PDE4D: variants seen among roughly 807,000 people sequenced by gnomAD.
The protein encoded by PDE4D is 3',5'-cyclic-AMP phosphodiesterase 4D.
A neutral mutation model predicts 87.4 loss-of-function variants in PDE4D; 24 were observed. That is an observed-to-expected ratio of 0.27 (90% CI 0.20 to 0.39). The LOEUF (loss-of-function observed/expected upper bound fraction) is 0.39. Ranked by LOEUF, PDE4D falls within the 10% of genes least tolerant of loss-of-function variation. The probability of loss-of-function intolerance (pLI) is 1.00; values close to 1 mark genes in which losing one functional copy is unlikely to be tolerated. For missense variants in PDE4D, 714 were observed against 1,041.0 expected (o/e 0.69, Z 4.32); for synonymous variants, 384 against 383.2 (o/e 1.00, Z -0.02).
chr5:59,699,025 C>T (rs1186757463), intron 1 of PDE4D, among the ~76,000 whole-genome samples: 1 of 152,134 alleles, frequency 6.6e-6, no homozygotes, highest in Admixed American at 6.6e-5. Context: ...ACATTTTCCA[C>T]CAGGCTTGAG....
intron 2 of PDE4D, among the ~76,000 whole-genome samples, chr5:59,196,706 A>C (rs1434488816): frequency 6.6e-6 from 1 of 152,214 alleles, no homozygotes; most frequent in Non-Finnish European, 1.5e-5. Flanking sequence ...TGGACAAATC[A>C]GTAAACTGTG....
chr5:60,361,754 C>T (rs1413909599), intron 1 of PDE4D, among the ~76,000 whole-genome samples: 4 of 152,144 alleles, frequency 2.6e-5, no homozygotes, highest in African/African-American at 7.2e-5. Context: ...TCAACCCATG[C>T]CTGAGTGACA....
rs144046783 is a variant in PDE4D, at chr5:60,034,467, C to T, written c.43-45750G>A. On this transcript the variant is annotated intron_variant, in intron 2 of 16. Transcript: ENST00000502484. ...GGCTTCACACCAATTTCTACTTCTG[C>T]TGTCACATTGCCTTCTTCTGCCTTT... Among the ~76,000 whole-genome samples, 210 of 152,292 alleles carry T rather than the reference C, an allele frequency of 1.4e-3. 1 individual carries two copies. Among genetic ancestry groups the T allele is most frequent in the African/African-American group, 4.9e-3 (205 of 41,562 alleles).
At chr5:60,147,737 G>A (rs968319827) in intron 2 of PDE4D, 6 of 454,564 alleles carry the variant, frequency 1.3e-5, no homozygotes, top group Non-Finnish European at 2.2e-5. Flanking sequence ...AGCACTTCTC[G>A]AGTCACTCAC....
At chr5:59,003,896 A>C (rs1751033387) in intron 6 of PDE4D, among the ~76,000 whole-genome samples, 1 of 152,098 alleles carries the variant, frequency 6.6e-6, no homozygotes, top group Non-Finnish European at 1.5e-5. Context: ...AACAGGTGGA[A>C]GTGTCATACC....
intron 1 of PDE4D, among the ~76,000 whole-genome samples, chr5:59,497,107 A>G (rs1423793339): frequency 6.6e-6 from 1 of 152,192 alleles, no homozygotes; most frequent in Admixed American, 6.5e-5. Flanking sequence ...GCACTCAGAA[A>G]TGAAGCTGAT....
chr5:59,693,379 A>G (rs947981736), intron 1 of PDE4D, among the ~76,000 whole-genome samples: 1 of 152,094 alleles, frequency 6.6e-6, no homozygotes. Flanking sequence ...TGCTTTTCTC[A>G]GTATTATTTA....
At chr5:59,042,367 C>T (rs1759827503) in intron 5 of PDE4D, among the ~76,000 whole-genome samples, 1 of 152,130 alleles carries the variant, frequency 6.6e-6, no homozygotes, top group South Asian at 2.1e-4. Context: ...CCAACTATCC[C>T]ACAGGAAATT....
intron 1 of PDE4D, among the ~76,000 whole-genome samples, chr5:60,264,089 T>C (rs1054440084): frequency 1.3e-5 from 2 of 152,038 alleles, no homozygotes; most frequent in African/African-American, 4.8e-5. Flanking sequence ...AGAAACCAGA[T>C]GTGAACTTAA....
chr5:59,316,566 T>C (rs943049551), intron 1 of PDE4D, among the ~76,000 whole-genome samples: 5 of 152,180 alleles, frequency 3.3e-5, no homozygotes, highest in African/African-American at 1.2e-4. Context: ...ATATAAACTG[T>C]ACTCACATGT....
At chr5:60,232,315 G>A (rs1745912320) in intron 1 of PDE4D, among the ~76,000 whole-genome samples, 2 of 151,916 alleles carry the variant, frequency 1.3e-5, no homozygotes, top group South Asian at 4.1e-4. Context: ...CAATAATTTA[G>A]ATGCTTACAG....
chr5:60,076,616 T>C (rs2152900248), intron 2 of PDE4D, among the ~76,000 whole-genome samples: 1 of 152,310 alleles, frequency 6.6e-6, no homozygotes, highest in South Asian at 2.1e-4. Context: ...ACTCGTGGAC[T>C]GTGTGCTCTA....
chr5:59,097,150 T>C (rs1017401596), intron 5 of PDE4D, among the ~76,000 whole-genome samples: 5 of 152,208 alleles, frequency 3.3e-5, no homozygotes, highest in African/African-American at 1.2e-4. Flanking sequence ...AGGATTGTGA[T>C]CATTGATACA....
chr5:59,551,310 TTAAA>T (rs1315617242), intron 1 of PDE4D, among the ~76,000 whole-genome samples: 7 of 149,540 alleles, frequency 4.7e-5, no homozygotes, highest in East Asian at 1.9e-4. Context: ...AAATCTTTAT[TTAAA>T]TAAATATTTA....
At chr5:59,873,056 T>C (rs1748061504) in intron 1 of PDE4D, among the ~76,000 whole-genome samples, 1 of 152,348 alleles carries the variant, frequency 6.6e-6, no homozygotes, top group South Asian at 2.1e-4. Flanking sequence ...GCTGAAACGC[T>C]ATACTTTTCC....
chr5:59,432,197 C>A (rs913424434), intron 1 of PDE4D, among the ~76,000 whole-genome samples: 1 of 151,914 alleles, frequency 6.6e-6, no homozygotes, highest in African/African-American at 2.4e-5. Context: ...ATACACAAAC[C>A]CTCACACATG....
chr5:60,288,300 A>T (rs1752599931), intron 1 of PDE4D, among the ~76,000 whole-genome samples: 1 of 152,350 alleles, frequency 6.6e-6, no homozygotes, highest in Admixed American at 6.5e-5. Context: ...TATTTGCCCC[A>T]TGGTGGTGGT....
At chr5:59,438,616 T>C (rs984918620) in intron 1 of PDE4D, among the ~76,000 whole-genome samples, 1 of 152,206 alleles carries the variant, frequency 6.6e-6, no homozygotes, top group Non-Finnish European at 1.5e-5. Context: ...TTTTGCAATA[T>C]TATTGCTTGG....
At chr5:59,708,450 A>G (rs1248109042) in intron 1 of PDE4D, among the ~76,000 whole-genome samples, 1 of 152,172 alleles carries the variant, frequency 6.6e-6, no homozygotes, top group East Asian at 1.9e-4. Flanking sequence ...GAAGAATCAA[A>G]CAGACATAAT....
Sources: gnomAD v4.1 joint callset for allele counts (sites outside exome capture counted in the v4.1 genomes callset) on GRCh38, gnomAD v4.1.1 for gene constraint, MANE v1.5 for transcripts, NCBI Gene and HGNC (gene_info 2026-07-23, HGNC 2026-07-21) for gene names.